The following MRPL40 variants were observed in gnomAD, a reference collection of about 807,000 sequenced individuals.
The protein encoded by MRPL40 is large ribosomal subunit protein mL40.
In MRPL40, 18 loss-of-function variants were observed where a neutral mutation model predicts 24.5. The observed-to-expected ratio is 0.73, with a 90% CI of 0.51 to 1.09. The LOEUF (loss-of-function observed/expected upper bound fraction) is 1.09, where lower values mean the gene tolerates loss of function less well. MRPL40 is among the 50% of genes least tolerant of loss of function. The pLI, the probability that MRPL40 is intolerant of heterozygous loss-of-function variation, is 0.00. For synonymous variants in MRPL40, 108 were observed against 94.6 expected (o/e 1.14, Z -0.82); for missense variants, 256 against 243.8 (o/e 1.05, Z -0.33).
chr22:19,433,905 G>A (rs2089568771), intron 2 of MRPL40, among the ~76,000 whole-genome samples: 1 of 151,978 alleles, frequency 6.6e-6, no homozygotes, highest in Non-Finnish European at 1.5e-5. Flanking sequence ...TGGGATTACA[G>A]GCGCCCACTA....
At chr22:19,434,216 C>CTTTT (rs35856980) in intron 2 of MRPL40, among the ~76,000 whole-genome samples, 18 of 85,290 alleles carry the variant, frequency 2.1e-4, no homozygotes, top group East Asian at 7.0e-4. Context: ...TGCTTTTGTA[C>CTTTT]TTTTTTTTTT....
chr22:19,434,402 T>C (rs531734431), intron 2 of MRPL40, among the ~76,000 whole-genome samples: 3 of 152,040 alleles, frequency 2.0e-5, no homozygotes, highest in African/African-American at 7.2e-5. Flanking sequence ...TTTGTATTTT[T>C]AGTAGAGACA....
Position 19,435,643 on chromosome 22 carries a change from G to A in MRPL40, c.302G>A (p.Arg101Gln), listed in dbSNP as rs775471371. ...AACCCTTAGCTTCTTTGCAGAGAGC[G>A]GCCTCAGGTGGAGCTCACCTTTGAG... ...PLKFLDKARE[R>Q]PQVELTFEET... Residue 101 changes from arginine to glutamine, a missense_variant, in exon 4 of 4, where the codon CGG becomes CAG. Arg to Gln is a conservative substitution (Grantham distance 43). Coordinates refer to ENST00000333130, the MANE Select transcript of MRPL40 (RefSeq NM_003776.4). 9.9e-6 allele frequency: 16 copies of A among 1,611,742 alleles called. No homozygotes were observed. The highest frequency in any genetic ancestry group is 2.2e-5 in the East Asian group (1 of 44,862).
rs552377482 is a variant in MRPL40 at position 19,433,204 on chromosome 22, C to G, written c.54-61C>G. 236 of 1,190,716 alleles carry G rather than the reference C, an allele frequency of 2.0e-4. 2 individuals are homozygous for G. The East Asian group carries it at 5.7e-3, about 29-fold the overall frequency. The allele number at this position is 1,190,716 out of a possible 1,614,324, so 73.8% of individuals were successfully genotyped here. ...CCTCCCAAAGTGCTGGGATTACAGA[C>G]GTGAGCAACCGCGCCTAGCCTGGAG... is the stretch of plus-strand genomic sequence containing the variant. On this transcript the variant is annotated intron_variant, in intron 1 of 3. Transcript: ENST00000333130.
intron 2 of MRPL40, among the ~76,000 whole-genome samples, chr22:19,433,783 G>A (rs752146482): frequency 3.3e-4 from 50 of 151,094 alleles, no homozygotes; most frequent in Non-Finnish European, 6.0e-4. Context: ...TTTTTTTTGA[G>A]ATGGAGTCTC....
At chr22:19,433,422 C>G in intron 2 of MRPL40, 74 bp downstream of exon 2, 1 of 903,398 alleles carries the variant, frequency 1.1e-6, no homozygotes, top group Non-Finnish European at 1.8e-6. Context: ...AGCAAGAATG[C>G]TGGATGTGTG....
chr22:19,433,382 T>G (rs1438865606), intron 2 of MRPL40, 34 bp downstream of exon 2: 1 of 1,309,862 alleles, frequency 7.6e-7, no homozygotes, highest in Non-Finnish European at 1.1e-6. Flanking sequence ...CCTCTGGGGG[T>G]AAAGGTGTCA....
chr22:19,435,561 G>C (rs1652206151), intron 3 of MRPL40, 77 bp from the exon 4 acceptor site: 3 of 1,334,790 alleles, frequency 2.2e-6, no homozygotes, highest in African/African-American at 1.5e-5. Flanking sequence ...TCTGTGTCTG[G>C]CAATGGGAAT....
chr22:19,433,916 C>T (rs1022810700), intron 2 of MRPL40, among the ~76,000 whole-genome samples: 52 of 151,972 alleles, frequency 3.4e-4, no homozygotes, highest in African/African-American at 1.2e-3. Flanking sequence ...GCGCCCACTA[C>T]CACGCCCGGC....
In MRPL40 at chr22:19,432,583, C is replaced by T; in HGVS notation, c.29C>T (p.Ser10Leu). 1 of 1,554,304 alleles carries T rather than the reference C, an allele frequency of 6.4e-7. No homozygotes were observed. Reference sequence around the variant, plus strand: ...ACGGCCTCCGTGCTGCGAAGTATCTCGCTAGCCCTGCGCCCGACTAGCGGG... The same window carrying T: ...ACGGCCTCCGTGCTGCGAAGTATCTTGCTAGCCCTGCGCCCGACTAGCGGG... MTASVLRSISLALRPTSGLL... is the reference protein window; with the variant it reads MTASVLRSILLALRPTSGLL... Residue 10 changes from serine (S) to leucine (L), a missense_variant, in exon 1 of 4, where the codon TCG becomes TTG. Ser to Leu is a moderately radical substitution (Grantham distance 145). Coordinates refer to ENST00000333130, the MANE Select transcript of MRPL40 (RefSeq NM_003776.4).
intron 3 of MRPL40, among the ~76,000 whole-genome samples, chr22:19,435,412 T>C (rs13056639): frequency 0.034 from 5,160 of 152,326 alleles, 131 homozygotes; most frequent in Non-Finnish European, 0.049. Flanking sequence ...GCAGAGGAAG[T>C]GCTACCAGTC....
intron 1 of MRPL40, chr22:19,433,061 G>A: frequency 1.9e-6 from 1 of 516,200 alleles, no homozygotes; most frequent in East Asian, 4.3e-5. Flanking sequence ...CGAGTAGCTC[G>A]GATTACAGGC....
chr22:19,432,891 T>A (rs151129471), intron 1 of MRPL40: 2 of 1,296,334 alleles, frequency 1.5e-6, no homozygotes, highest in African/African-American at 3.1e-5. Flanking sequence ...TTGGGAGCAT[T>A]GCAATTTTTT....
In MRPL40 at chr22:19,434,216, CTTT is replaced by C. The variant is rs35856980; in HGVS notation, c.138-498_138-496del. ...CCTGATGCCTCTTGTTGCTTTTGTA[CTTT>C]TTTTTTTTTTTTTTTTTTTTTGAGA... On this transcript the variant is annotated intron_variant, in intron 2 of 3. Transcript: ENST00000333130. Among the ~76,000 whole-genome samples, 187 of 85,294 alleles carry C rather than the reference CTTT, an allele frequency of 2.2e-3. No homozygotes were observed. The South Asian group carries it at 0.039, about 18-fold the overall frequency. 56.0% of individuals were successfully genotyped at this position (85,294 alleles called of 152,430 possible).
At position 19,435,622 on chromosome 22, in the gene MRPL40, C is replaced by A. The variant is rs755287399; in HGVS notation, c.297-16C>A. ...TTACATGCCAGTGAGATTGGTAACC[C>A]TTAGCTTCTTTGCAGAGAGCGGCCT... is the stretch of plus-strand genomic sequence containing the variant. On this transcript the variant is annotated splice_polypyrimidine_tract_variant and intron_variant, in intron 3 of 3. Transcript: ENST00000333130. 6.2e-7 allele frequency: 1 copy of A among 1,601,474 alleles called. No homozygotes were observed. The highest frequency in any genetic ancestry group is 1.1e-5 in the South Asian group (1 of 89,324).
In MRPL40 at chr22:19,432,584, G is replaced by C; in HGVS notation, c.30G>C (p.Ser10=). MTASVLRSI[S]LALRPTSGLL... ...CGGCCTCCGTGCTGCGAAGTATCTCGCTAGCCCTGCGCCCGACTAGCGGGT... is the reference window on the plus strand; with the variant it reads ...CGGCCTCCGTGCTGCGAAGTATCTCCCTAGCCCTGCGCCCGACTAGCGGGT... The change falls in exon 1 of 4, where the codon TCG becomes TCC. Residue 10 remains serine, a synonymous_variant. Transcript: ENST00000333130. 1 of 1,553,976 alleles carries C rather than the reference G, an allele frequency of 6.4e-7. No individual in the cohort carries two copies. Among genetic ancestry groups the C allele is most frequent in the Non-Finnish European group, 8.7e-7 (1 of 1,150,190 alleles).
At chr22:19,434,612 T>G in intron 2 of MRPL40, 124 bp from the exon 3 acceptor site, 33 of 710,316 alleles carry the variant, frequency 4.6e-5, no homozygotes, top group Non-Finnish European at 6.7e-5. Flanking sequence ...GCTGAGCTCA[T>G]GAGTTAGTCA....
chr22:19,434,466 G>A (rs9618570), intron 2 of MRPL40, among the ~76,000 whole-genome samples: 11,841 of 151,542 alleles, frequency 0.078, 515 homozygotes, highest in Middle Eastern at 0.18. Context: ...TGGGCAATCT[G>A]CCCGCCTTTG....
intron 2 of MRPL40, among the ~76,000 whole-genome samples, chr22:19,434,411 C>A (rs2089573189): frequency 6.6e-6 from 1 of 151,782 alleles, no homozygotes; most frequent in Non-Finnish European, 1.5e-5. Context: ...TTAGTAGAGA[C>A]AGGGTTTCGC....
Sources: allele counts gnomAD v4.1 joint callset (sites outside exome capture counted in the v4.1 genomes callset), GRCh38; gene constraint gnomAD v4.1.1; transcripts MANE v1.5; gene names NCBI Gene and HGNC (gene_info 2026-07-23, HGNC 2026-07-21).